The following PAMR1 variants were observed in gnomAD, a reference collection of about 807,000 sequenced individuals.
PAMR1 encodes inactive serine protease PAMR1.
A neutral mutation model predicts 81.8 loss-of-function variants in PAMR1; 88 were observed. The observed-to-expected ratio is 1.08, with a 90% CI of 0.91 to 1.28. The LOEUF (loss-of-function observed/expected upper bound fraction) is 1.28. Among genes scored for constraint, PAMR1 ranks in the 50% most tolerant of loss-of-function variants. PAMR1 has a pLI of 0.00. For synonymous variants in PAMR1, 336 were observed against 345.3 expected (o/e 0.97, Z 0.30); for missense variants, 935 against 919.7 (o/e 1.02, Z -0.21).
chr11:35,504,572 TGTTGGG>T (rs1850914677), intron 1 of PAMR1, among the ~76,000 whole-genome samples: 1 of 152,126 alleles, frequency 6.6e-6, no homozygotes, highest in African/African-American at 2.4e-5. Context: ...ATTATTGGAT[TGTTGGG>T]GTTCTCTATT....
chr11:35,526,608 A>G (rs185433352), upstream of PAMR1, among the ~76,000 whole-genome samples: 7 of 152,384 alleles, frequency 4.6e-5, no homozygotes, highest in Admixed American at 1.3e-4. Flanking sequence ...ATTGAGGATT[A>G]CAATAACTCA....
chr11:35,445,986 A>G (rs1268610604), intron 6 of PAMR1, among the ~76,000 whole-genome samples: 1 of 152,182 alleles, frequency 6.6e-6, no homozygotes, highest in African/African-American at 2.4e-5. Flanking sequence ...TTGGTAGGCT[A>G]TTAATTACTA....
chr11:35,527,272 C>T (rs1447477443), upstream of PAMR1, among the ~76,000 whole-genome samples: 2 of 152,168 alleles, frequency 1.3e-5, no homozygotes, highest in African/African-American at 2.4e-5. Flanking sequence ...TCAGTCTTCT[C>T]ATCTATAAAA....
At chr11:35,483,792 G>A (rs1055264290) in intron 3 of PAMR1, among the ~76,000 whole-genome samples, 3 of 152,130 alleles carry the variant, frequency 2.0e-5, no homozygotes, top group Non-Finnish European at 4.4e-5. Flanking sequence ...CAGAAGCTGA[G>A]CTATGATTGA....
At chr11:35,524,579 G>C (rs947996964) in intron 1 of PAMR1, among the ~76,000 whole-genome samples, 1 of 152,172 alleles carries the variant, frequency 6.6e-6, no homozygotes, top group African/African-American at 2.4e-5. Context: ...AAGCAGCGAA[G>C]GCTCGTACAT....
chr11:35,435,854 G>C lies in PAMR1; in HGVS notation c.1333+49C>G, dbSNP rs754424067. On this transcript the variant is annotated intron_variant, in intron 9 of 10. Transcript: ENST00000619888. ...TAGGGTTAATGGTTTTTCTCAGGCA[G>C]TCATGAAAGATTGAGCATGCTCAAG... is the stretch of plus-strand genomic sequence containing the variant. 2.2e-6 allele frequency: 3 copies of C among 1,370,762 alleles called. No homozygotes were observed. The East Asian group carries it at 6.9e-5, about 32-fold the overall frequency. The allele number at this position is 1,370,762 out of a possible 1,614,324, so 84.9% of individuals were successfully genotyped here. A position where few individuals can be genotyped will look rare whatever the true frequency, so the allele number is the denominator to read the frequency against.
At chr11:35,491,226 C>A (rs1850619614) in intron 3 of PAMR1, among the ~76,000 whole-genome samples, 1 of 152,158 alleles carries the variant, frequency 6.6e-6, no homozygotes, top group Admixed American at 6.5e-5. Context: ...ATATACTCAT[C>A]CTTAGCCACA....
intron 9 of PAMR1, among the ~76,000 whole-genome samples, chr11:35,435,110 G>A (rs1389987150): frequency 1.3e-5 from 2 of 152,128 alleles, no homozygotes; most frequent in African/African-American, 4.8e-5. Flanking sequence ...CCTGTAAAAT[G>A]GATAGAACAA....
intron 3 of PAMR1, among the ~76,000 whole-genome samples, chr11:35,483,941 A>C (rs1277860481): frequency 6.6e-6 from 1 of 152,188 alleles, no homozygotes; most frequent in African/African-American, 2.4e-5. Flanking sequence ...CCTTGTGCCC[A>C]GTGTGTATTC....
At chr11:35,525,845 G>C (rs564620496), upstream of PAMR1, 19 of 547,096 alleles carry the variant, frequency 3.5e-5, no homozygotes, top group South Asian at 3.2e-4. Context: ...ACCCGCGGAC[G>C]GCGGCTGCAA....
chr11:35,496,712 C>G (rs1444287699), intron 1 of PAMR1, among the ~76,000 whole-genome samples: 1 of 152,180 alleles, frequency 6.6e-6, no homozygotes, highest in Non-Finnish European at 1.5e-5. Flanking sequence ...GGCAGTTCCT[C>G]TTAAAGCTAA....
chr11:35,447,472 G>A (rs1427880307), intron 6 of PAMR1, among the ~76,000 whole-genome samples: 1 of 151,944 alleles, frequency 6.6e-6, no homozygotes, highest in Non-Finnish European at 1.5e-5. Context: ...CAAAGTCCTG[G>A]GGTTACAGGC....
chr11:35,435,589 G>A (rs186258109), intron 9 of PAMR1, among the ~76,000 whole-genome samples: 1 of 152,116 alleles, frequency 6.6e-6, no homozygotes, highest in Non-Finnish European at 1.5e-5. Flanking sequence ...AAACAGGGTA[G>A]CCAAGATTAT....
intron 3 of PAMR1, among the ~76,000 whole-genome samples, chr11:35,491,305 C>G (rs1379051577): frequency 6.6e-6 from 1 of 152,204 alleles, no homozygotes; most frequent in Non-Finnish European, 1.5e-5. Context: ...ACTCCATCCT[C>G]CCTCTCTGTA....
At chr11:35,492,393 T>C (rs927634263) in intron 2 of PAMR1, among the ~76,000 whole-genome samples, 1 of 152,096 alleles carries the variant, frequency 6.6e-6, no homozygotes, top group African/African-American at 2.4e-5. Flanking sequence ...TCTCAACGAG[T>C]ATCCCAGGTA....
intron 3 of PAMR1, among the ~76,000 whole-genome samples, chr11:35,478,955 C>T (rs905080955): frequency 1.3e-5 from 2 of 152,102 alleles, no homozygotes; most frequent in African/African-American, 2.4e-5. Context: ...GCTACGTGCC[C>T]AAACAGGAGG....
chr11:35,448,569 G>T (rs1448386621), intron 6 of PAMR1, among the ~76,000 whole-genome samples: 8 of 152,058 alleles, frequency 5.3e-5, no homozygotes, highest in Non-Finnish European at 1.2e-4. Context: ...TAGCTTCTTT[G>T]CATTGGGTTA....
intron 6 of PAMR1, among the ~76,000 whole-genome samples, chr11:35,454,095 G>C (rs1040319485): frequency 3.3e-5 from 5 of 152,158 alleles, no homozygotes; most frequent in Admixed American, 6.5e-5. Flanking sequence ...TGTCATGTCA[G>C]TTTACAGAAG....
chr11:35,454,752 A>G (rs959678000), intron 6 of PAMR1, among the ~76,000 whole-genome samples: 51 of 152,176 alleles, frequency 3.4e-4, no homozygotes, highest in Non-Finnish European at 6.0e-4. Flanking sequence ...AGGCAGTGAA[A>G]AGATCTTGGG....
Sources: gnomAD v4.1 joint callset for allele counts (sites outside exome capture counted in the v4.1 genomes callset) on GRCh38, gnomAD v4.1.1 for gene constraint, MANE v1.5 for transcripts, NCBI Gene and HGNC (gene_info 2026-07-23, HGNC 2026-07-21) for gene names.